Variants in LRRC4C observed in about 807,000 individuals in gnomAD.
LRRC4C encodes leucine-rich repeat-containing protein 4C.
Under a neutral mutation model 33.6 loss-of-function variants are expected in LRRC4C, and 5 were observed. The ratio of observed to expected loss-of-function variants is 0.15; its 90% confidence interval spans 0.08 to 0.31. LRRC4C has a LOEUF of 0.31. Ranked by LOEUF, LRRC4C falls within the 10% of genes least tolerant of loss-of-function variation. The pLI is 1.00. For synonymous variants in LRRC4C, 329 were observed against 302.0 expected (o/e 1.09, Z -0.93); for missense variants, 560 against 796.7 (o/e 0.70, Z 3.58).
At chr11:40,710,317 T>C (rs1242521851) in intron 2 of LRRC4C, among the ~76,000 whole-genome samples, 1 of 152,186 alleles carries the variant, frequency 6.6e-6, no homozygotes, top group Non-Finnish European at 1.5e-5. Flanking sequence ...TTTCTCCCCA[T>C]CTTTGTGGTT....
At position 41,262,407 on chromosome 11, in the gene LRRC4C, T is replaced by TTA. The variant is rs1555127465; in HGVS notation, c.-496+197023_-496+197024insTA. On this transcript the variant is annotated intron_variant, in intron 1 of 6. Coordinates refer to ENST00000528697, the MANE Select transcript of LRRC4C (RefSeq NM_001258419.2). ...ACTACTACGGACATGAACAGTTGATTAAAAAAAAAAAAAATAGAAAAATAG... is the reference window on the plus strand; with the variant it reads ...ACTACTACGGACATGAACAGTTGATTTAAAAAAAAAAAAAAATAGAAAAATAG... 2.9e-3 allele frequency among the ~76,000 whole-genome samples: 422 copies of TTA among 144,194 alleles called. 2 individuals are homozygous for TTA. The highest frequency in any genetic ancestry group is 4.7e-3 in the Non-Finnish European group (310 of 66,182). The allele number at this position is 144,194 out of a possible 152,430, so 94.6% of individuals were successfully genotyped here.
intron 1 of LRRC4C, among the ~76,000 whole-genome samples, chr11:40,976,910 A>G (rs935810950): frequency 3.9e-5 from 6 of 152,012 alleles, no homozygotes; most frequent in African/African-American, 1.5e-4. Context: ...TTAATTTTGC[A>G]CTGTATTTCT....
intron 1 of LRRC4C, among the ~76,000 whole-genome samples, chr11:41,440,985 A>C (rs558045654): frequency 6.6e-6 from 1 of 152,288 alleles, no homozygotes; most frequent in African/African-American, 2.4e-5. Context: ...TTACTATAAT[A>C]ATGCTGAGAT....
At chr11:40,515,622 G>T (rs1955529880) in intron 3 of LRRC4C, among the ~76,000 whole-genome samples, 1 of 151,920 alleles carries the variant, frequency 6.6e-6, no homozygotes, top group African/African-American at 2.4e-5. Context: ...TTCTAATTTT[G>T]TTCAGTTTTG....
intron 2 of LRRC4C, among the ~76,000 whole-genome samples, chr11:40,919,197 G>A (rs1043808522): frequency 3.9e-5 from 6 of 152,086 alleles, no homozygotes; most frequent in African/African-American, 1.4e-4. Flanking sequence ...CAGAAATGCA[G>A]GGTTGGAAGG....
intron 3 of LRRC4C, among the ~76,000 whole-genome samples, chr11:40,375,715 T>C (rs141344788): frequency 6.6e-6 from 1 of 152,172 alleles, no homozygotes; most frequent in African/African-American, 2.4e-5. Context: ...TGAAAATACA[T>C]ATAGATTAAC....
intron 3 of LRRC4C, among the ~76,000 whole-genome samples, chr11:40,409,487 A>G (rs1423877214): frequency 2.0e-5 from 3 of 152,040 alleles, no homozygotes; most frequent in Non-Finnish European, 4.4e-5. Context: ...TGCAAACCAT[A>G]TATCTGATGA....
chr11:40,276,587 GGAA>G (rs1590886933), intron 4 of LRRC4C, among the ~76,000 whole-genome samples: 1 of 151,940 alleles, frequency 6.6e-6, no homozygotes, highest in African/African-American at 2.4e-5. Flanking sequence ...GAATAACAGA[GGAA>G]GATAAGTGGC....
intron 1 of LRRC4C, among the ~76,000 whole-genome samples, chr11:41,050,726 A>G (rs1239251163): frequency 6.6e-6 from 1 of 152,058 alleles, no homozygotes; most frequent in Non-Finnish European, 1.5e-5. Context: ...AGTCTTTGCT[A>G]TTGTAAATAG....
chr11:40,399,643 C>G (rs1268398161), intron 3 of LRRC4C, among the ~76,000 whole-genome samples: 1 of 151,868 alleles, frequency 6.6e-6, no homozygotes, highest in East Asian at 1.9e-4. Flanking sequence ...TGTAACTAAC[C>G]TGCACATTGT....
chr11:40,230,438 C>CAA (rs1865119033), intron 5 of LRRC4C, among the ~76,000 whole-genome samples: 1 of 152,054 alleles, frequency 6.6e-6, no homozygotes, highest in Non-Finnish European at 1.5e-5. Context: ...AGAAAATTGG[C>CAA]AGGGGATGAG....
At chr11:41,085,661 C>T (rs1192798251) in intron 1 of LRRC4C, among the ~76,000 whole-genome samples, 4 of 152,080 alleles carry the variant, frequency 2.6e-5, no homozygotes, top group East Asian at 3.9e-4. Context: ...TTGACTCTCT[C>T]AACGCCTGGA....
chr11:40,842,488 TA>T (rs1351922935), intron 2 of LRRC4C, among the ~76,000 whole-genome samples: 1 of 152,186 alleles, frequency 6.6e-6, no homozygotes, highest in Non-Finnish European at 1.5e-5. Flanking sequence ...GTAGAATGGT[TA>T]CATTGAGCTA....
At chr11:40,330,541 T>C (rs1946313329) in intron 3 of LRRC4C, among the ~76,000 whole-genome samples, 1 of 152,068 alleles carries the variant, frequency 6.6e-6, no homozygotes, top group South Asian at 2.1e-4. Flanking sequence ...GGGTAATTTA[T>C]AAAGGAAAGA....
chr11:40,174,146 T>A (rs963189405), intron 5 of LRRC4C, among the ~76,000 whole-genome samples: 20 of 152,174 alleles, frequency 1.3e-4, no homozygotes, highest in African/African-American at 4.8e-4. Flanking sequence ...ATGAACCACA[T>A]TAAAAATGAA....
At chr11:40,260,741 G>T (rs1474658941) in intron 4 of LRRC4C, among the ~76,000 whole-genome samples, 2 of 152,070 alleles carry the variant, frequency 1.3e-5, no homozygotes, top group East Asian at 3.9e-4. Context: ...CCAGGAGTCA[G>T]CAACCTTTGA....
chr11:41,459,270 G>A (rs556246331), intron 1 of LRRC4C, among the ~76,000 whole-genome samples, 161 bp downstream of exon 1: 3 of 152,160 alleles, frequency 2.0e-5, no homozygotes, highest in Admixed American at 1.3e-4. Context: ...AACCTCCTTG[G>A]CATAAAAAAT....
chr11:40,207,427 T>G (rs1477675354), intron 5 of LRRC4C, among the ~76,000 whole-genome samples: 1 of 152,042 alleles, frequency 6.6e-6, no homozygotes, highest in Non-Finnish European at 1.5e-5. Flanking sequence ...TATAGCAAGA[T>G]TCCATCCCTA....
At chr11:40,551,592 C>A (rs564679328) in intron 3 of LRRC4C, among the ~76,000 whole-genome samples, 1 of 152,302 alleles carries the variant, frequency 6.6e-6, no homozygotes, top group East Asian at 1.9e-4. Flanking sequence ...GTTTTCTCCC[C>A]TGTACTCCAT....
Sources: allele counts gnomAD v4.1 joint callset (sites outside exome capture counted in the v4.1 genomes callset), GRCh38; gene constraint gnomAD v4.1.1; transcripts MANE v1.5; gene names NCBI Gene and HGNC (gene_info 2026-07-23, HGNC 2026-07-21).